The following TEAD1 variants were observed in gnomAD, a reference collection of about 807,000 sequenced individuals.
The protein encoded by TEAD1 is transcriptional enhancer factor TEF-1.
TEAD1 carries 9 observed loss-of-function variants against 54.9 expected under a neutral mutation model. That is an observed-to-expected ratio of 0.16 (90% CI 0.10 to 0.29). TEAD1 has a LOEUF of 0.29. Among genes scored for constraint, TEAD1 ranks in the 10% least tolerant of loss-of-function variants. TEAD1 has a pLI of 1.00. For synonymous variants in TEAD1, 200 were observed against 187.8 expected (o/e 1.07, Z -0.53); for missense variants, 387 against 535.9 (o/e 0.72, Z 2.74).
intron 2 of TEAD1, among the ~76,000 whole-genome samples, chr11:12,688,331 C>T (rs1564907148): frequency 1.3e-5 from 2 of 152,106 alleles, no homozygotes; most frequent in African/African-American, 4.8e-5. Flanking sequence ...TGATACCCCT[C>T]TTTGACACCT....
intron 5 of TEAD1, among the ~76,000 whole-genome samples, chr11:12,870,857 G>T (rs945792338): frequency 6.6e-6 from 1 of 152,180 alleles, no homozygotes; most frequent in South Asian, 2.1e-4. Flanking sequence ...CTGTACCCCA[G>T]CCTGGGCAAC....
chr11:12,800,373 A>G (rs2133974642), intron 3 of TEAD1, among the ~76,000 whole-genome samples: 2 of 152,342 alleles, frequency 1.3e-5, no homozygotes. Flanking sequence ...GCTTTGATCA[A>G]ACAGCTATGT....
chr11:12,844,153 T>A (rs1252713872), intron 3 of TEAD1, among the ~76,000 whole-genome samples: 1 of 152,126 alleles, frequency 6.6e-6, no homozygotes, highest in Non-Finnish European at 1.5e-5. Context: ...ACTTAAAGCT[T>A]TTTTTTGTTT....
At chr11:12,778,161 A>G (rs1417193773) in intron 3 of TEAD1, among the ~76,000 whole-genome samples, 1 of 152,172 alleles carries the variant, frequency 6.6e-6, no homozygotes, top group Non-Finnish European at 1.5e-5. Context: ...AGGTTTAGTA[A>G]GTTGCCCTGG....
At chr11:12,734,864 G>A (rs548990423) in intron 2 of TEAD1, among the ~76,000 whole-genome samples, 2 of 152,300 alleles carry the variant, frequency 1.3e-5, no homozygotes, top group East Asian at 3.9e-4. Flanking sequence ...TAAGCAACAT[G>A]TGACTGCACA....
intron 10 of TEAD1, among the ~76,000 whole-genome samples, chr11:12,903,127 A>G (rs2134130341): frequency 6.6e-6 from 1 of 152,098 alleles, no homozygotes; most frequent in Non-Finnish European, 1.5e-5. Context: ...CTTTACGTGC[A>G]TTTCATTTCA....
At chr11:12,844,337 T>C (rs1220426133) in intron 3 of TEAD1, among the ~76,000 whole-genome samples, 1 of 152,208 alleles carries the variant, frequency 6.6e-6, no homozygotes, top group Non-Finnish European at 1.5e-5. Flanking sequence ...AATCACCTTT[T>C]CCTCATAGTT....
At chr11:12,717,571 G>A (rs575234525) in intron 2 of TEAD1, among the ~76,000 whole-genome samples, 10 of 152,264 alleles carry the variant, frequency 6.6e-5, no homozygotes, top group Non-Finnish European at 1.3e-4. Flanking sequence ...CTTAATACAC[G>A]ATCTTCCTGC....
At position 12,714,341 on chromosome 11, in the gene TEAD1, G is replaced by T. The variant is rs147145335; in HGVS notation, c.-55+38780G>T. Among the ~76,000 whole-genome samples, 442 of 152,254 alleles carry T rather than the reference G, an allele frequency of 2.9e-3. 1 individual carries two copies. The highest frequency in any genetic ancestry group is 9.8e-3 in the African/African-American group (408 of 41,548). ...CCTGTCTTTGTCCCCAGCAGCTCTG[G>T]GCCATTTATCCTCTGTATAGTGCTC... On this transcript the variant is annotated intron_variant, in intron 2 of 12. Coordinates refer to ENST00000527636, the MANE Select transcript of TEAD1 (RefSeq NM_021961.6).
chr11:12,892,315 A>T (rs537801286), intron 9 of TEAD1, among the ~76,000 whole-genome samples: 1 of 152,062 alleles, frequency 6.6e-6, no homozygotes, highest in Non-Finnish European at 1.5e-5. Flanking sequence ...ATGGCTGTGC[A>T]TGGGGGATTA....
intron 3 of TEAD1, among the ~76,000 whole-genome samples, chr11:12,859,241 TAGTC>T (rs964498519): frequency 2.7e-5 from 4 of 149,646 alleles, no homozygotes; most frequent in African/African-American, 1.0e-4. Context: ...AATTAAAAGT[TAGTC>T]AGGTTATGTG....
intron 3 of TEAD1, among the ~76,000 whole-genome samples, chr11:12,776,216 G>A (rs1024122666): frequency 6.6e-6 from 1 of 152,198 alleles, no homozygotes; most frequent in Non-Finnish European, 1.5e-5. Flanking sequence ...CAGTCAGCTG[G>A]CCCAGCTCAG....
chr11:12,706,626 C>T (rs1466248495), intron 2 of TEAD1, among the ~76,000 whole-genome samples: 1 of 152,214 alleles, frequency 6.6e-6, no homozygotes, highest in Non-Finnish European at 1.5e-5. Flanking sequence ...TTCTAGCTAA[C>T]AGTGGAGCTC....
intron 5 of TEAD1, 56 bp downstream of exon 5, chr11:12,864,956 T>G (rs1262927392): frequency 1.4e-5 from 23 of 1,589,196 alleles, no homozygotes; most frequent in Non-Finnish European, 1.9e-5. Context: ...CTTCCTGTTT[T>G]CCATGGTGAC....
chr11:12,696,059 C>CA (rs1463172815), intron 2 of TEAD1, among the ~76,000 whole-genome samples: 89 of 152,316 alleles, frequency 5.8e-4, no homozygotes, highest in African/African-American at 2.1e-3. Flanking sequence ...ACAAAGAAGA[C>CA]AGTTGCTTGT....
chr11:12,919,656 G>C (rs1948769662), intron 10 of TEAD1, among the ~76,000 whole-genome samples: 1 of 151,528 alleles, frequency 6.6e-6, no homozygotes, highest in Non-Finnish European at 1.5e-5. Flanking sequence ...ACCATGTCCG[G>C]CTAATTAAAA....
chr11:12,744,134 CA>C (rs2133896306), intron 2 of TEAD1, among the ~76,000 whole-genome samples: 1 of 152,290 alleles, frequency 6.6e-6, no homozygotes, highest in Non-Finnish European at 1.5e-5. Context: ...GGCGTTTGGA[CA>C]GTGTCACATT....
chr11:12,738,384 T>C (rs191806302), intron 2 of TEAD1, among the ~76,000 whole-genome samples: 3 of 152,316 alleles, frequency 2.0e-5, no homozygotes, highest in South Asian at 2.1e-4. Flanking sequence ...GCCCAAAGAA[T>C]AGGTGTCTGA....
intron 3 of TEAD1, among the ~76,000 whole-genome samples, chr11:12,786,691 G>A (rs1945683815): frequency 6.6e-6 from 1 of 152,172 alleles, no homozygotes; most frequent in East Asian, 1.9e-4. Flanking sequence ...TCTAGGCACT[G>A]GGGATATTGC....
Sources: allele counts gnomAD v4.1 joint callset (sites outside exome capture counted in the v4.1 genomes callset), GRCh38; gene constraint gnomAD v4.1.1; transcripts MANE v1.5; gene names NCBI Gene and HGNC (gene_info 2026-07-23, HGNC 2026-07-21).